Variants in RBMS3 observed in about 807,000 individuals in gnomAD.
RBMS3 encodes RNA binding motif single stranded interacting protein 3.
RBMS3 carries 27 observed loss-of-function variants against 66.8 expected under a neutral mutation model. That is an observed-to-expected ratio of 0.40 (90% CI 0.30 to 0.56). The LOEUF (loss-of-function observed/expected upper bound fraction) is 0.56, where lower values mean the gene tolerates loss of function less well. RBMS3 is among the 20% of genes least tolerant of loss of function. RBMS3 has a pLI of 0.40. For missense variants in RBMS3, 513 were observed against 549.5 expected, an observed-to-expected ratio of 0.93 and a Z score of 0.66; for synonymous variants, 188 against 183.0, an observed-to-expected ratio of 1.03 and a Z score of -0.22.
chr3:29,345,814 A>C (rs2036539504), intron 1 of RBMS3, among the ~76,000 whole-genome samples: 1 of 152,234 alleles, frequency 6.6e-6, no homozygotes, highest in Non-Finnish European at 1.5e-5. Context: ...CATAATTAAA[A>C]TGATTAATTG....
intron 10 of RBMS3, among the ~76,000 whole-genome samples, chr3:29,905,825 C>T (rs895890570): frequency 9.2e-5 from 14 of 152,124 alleles, no homozygotes; most frequent in African/African-American, 2.2e-4. Flanking sequence ...CATTCAAAGC[C>T]GTTGTGGGCT....
chr3:29,315,075 T>C (rs2034591826), intron 1 of RBMS3, among the ~76,000 whole-genome samples: 4 of 151,880 alleles, frequency 2.6e-5, no homozygotes, highest in Admixed American at 2.6e-4. Flanking sequence ...TTGCTAAAAT[T>C]TAACTTAAAA....
intron 4 of RBMS3, among the ~76,000 whole-genome samples, chr3:29,650,767 A>G (rs1444185942): frequency 6.6e-6 from 1 of 152,166 alleles, no homozygotes; most frequent in East Asian, 1.9e-4. Context: ...CACTAAAATA[A>G]TCTTTCAGGT....
chr3:29,838,536 T>C (rs1369262344), intron 6 of RBMS3, among the ~76,000 whole-genome samples: 1 of 152,128 alleles, frequency 6.6e-6, no homozygotes, highest in Non-Finnish European at 1.5e-5. Context: ...GTCTAATTGA[T>C]AATAATAAGA....
intron 6 of RBMS3, among the ~76,000 whole-genome samples, chr3:29,846,569 A>G (rs867558387): frequency 9.9e-5 from 15 of 152,266 alleles, no homozygotes; most frequent in South Asian, 2.1e-4. Flanking sequence ...GATTATGCCT[A>G]TTTTTGAATG....
intron 4 of RBMS3, among the ~76,000 whole-genome samples, chr3:29,684,002 G>A (rs370483472): frequency 6.6e-6 from 1 of 152,160 alleles, no homozygotes; most frequent in African/African-American, 2.4e-5. Context: ...TCCAGGAAAG[G>A]TGTGACTAGT....
At chr3:29,772,334 A>C (rs1285685371) in intron 6 of RBMS3, among the ~76,000 whole-genome samples, 1 of 152,078 alleles carries the variant, frequency 6.6e-6, no homozygotes, top group East Asian at 1.9e-4. Context: ...AACAACGGAA[A>C]GCTAATATAC....
chr3:29,995,150 A>G lies in RBMS3; in HGVS notation c.1307+3941A>G, dbSNP rs570612006. On this transcript the variant is annotated intron_variant, in intron 14 of 14. Coordinates refer to ENST00000383767, the MANE Select transcript of RBMS3 (RefSeq NM_001003793.3). ...TGCAGAAGCCTCAGGAGCCGATGCGATCAACTGGAAGAAAGGGGATCAGCA... is the reference window on the plus strand; with the variant it reads ...TGCAGAAGCCTCAGGAGCCGATGCGGTCAACTGGAAGAAAGGGGATCAGCA... 5.3e-5 allele frequency among the ~76,000 whole-genome samples: 8 copies of G among 152,344 alleles called. No individual in the cohort carries two copies. In the East Asian group the frequency reaches 1.3e-3, roughly 26 times the overall value.
At chr3:29,300,831 G>C (rs982605940) in intron 1 of RBMS3, among the ~76,000 whole-genome samples, 1 of 151,950 alleles carries the variant, frequency 6.6e-6, no homozygotes, top group African/African-American at 2.4e-5. Flanking sequence ...ATTGCAAGTT[G>C]GTTAGTAGAG....
At chr3:29,620,587 A>G (rs147101486) in intron 4 of RBMS3, among the ~76,000 whole-genome samples, 1 of 152,172 alleles carries the variant, frequency 6.6e-6, no homozygotes, top group East Asian at 1.9e-4. Context: ...TAATATTTAT[A>G]TTATCTTTAT....
chr3:29,754,270 T>C (rs1187517183), intron 5 of RBMS3, among the ~76,000 whole-genome samples: 4 of 152,188 alleles, frequency 2.6e-5, no homozygotes, highest in Admixed American at 2.6e-4. Context: ...GGGAAAACTC[T>C]AAGAATTAAT....
intron 7 of RBMS3, among the ~76,000 whole-genome samples, chr3:29,869,205 A>C (rs1014553065): frequency 6.6e-6 from 1 of 152,150 alleles, no homozygotes; most frequent in African/African-American, 2.4e-5. Context: ...ACCAAACTCA[A>C]ACCTGAAAGG....
At chr3:29,784,777 G>T (rs1397614396) in intron 6 of RBMS3, among the ~76,000 whole-genome samples, 3 of 151,910 alleles carry the variant, frequency 2.0e-5, no homozygotes, top group African/African-American at 7.2e-5. Context: ...AAAATTGATA[G>T]ACCGTTAGCA....
chr3:29,380,064 A>G (rs1305169539), intron 1 of RBMS3, among the ~76,000 whole-genome samples: 1 of 152,144 alleles, frequency 6.6e-6, no homozygotes, highest in Non-Finnish European at 1.5e-5. Context: ...AAGTATGAGG[A>G]TTTGCAAGAA....
At chr3:29,285,874 C>T (rs1038012645) in intron 1 of RBMS3, among the ~76,000 whole-genome samples, 1 of 152,082 alleles carries the variant, frequency 6.6e-6, no homozygotes, top group African/African-American at 2.4e-5. Flanking sequence ...ATGTACAGAT[C>T]CTTCAAAAGC....
intron 4 of RBMS3, among the ~76,000 whole-genome samples, chr3:29,667,451 G>A (rs577453438): frequency 4.9e-4 from 75 of 152,226 alleles, no homozygotes; most frequent in African/African-American, 1.8e-3. Flanking sequence ...CTCTGAGAGT[G>A]GGGCCCAGTG....
intron 4 of RBMS3, among the ~76,000 whole-genome samples, chr3:29,605,392 T>C (rs1576344818): frequency 6.6e-6 from 1 of 152,016 alleles, no homozygotes; most frequent in South Asian, 2.1e-4. Flanking sequence ...AATAATACTA[T>C]GGAAATTCCT....
At chr3:29,823,677 A>C (rs1172024499) in intron 6 of RBMS3, among the ~76,000 whole-genome samples, 1 of 152,124 alleles carries the variant, frequency 6.6e-6, no homozygotes, top group Non-Finnish European at 1.5e-5. Context: ...ATTTCAGCTA[A>C]TTTTTATTAA....
chr3:29,482,869 G>A (rs879614766), intron 2 of RBMS3, among the ~76,000 whole-genome samples: 2 of 150,926 alleles, frequency 1.3e-5, no homozygotes, highest in African/African-American at 4.9e-5. Flanking sequence ...CACCACGCCC[G>A]GCTATTTTTT....
Sources: gnomAD v4.1 joint callset for allele counts (sites outside exome capture counted in the v4.1 genomes callset) on GRCh38, gnomAD v4.1.1 for gene constraint, MANE v1.5 for transcripts, NCBI Gene and HGNC (gene_info 2026-07-23, HGNC 2026-07-21) for gene names.